UNC80: variants seen among roughly 807,000 people sequenced by gnomAD.
UNC80 encodes the protein protein unc-80 homolog.
A neutral mutation model predicts 384.6 loss-of-function variants in UNC80; 164 were observed. The observed-to-expected ratio is 0.43, with a 90% confidence interval of 0.38 to 0.49. The LOEUF (loss-of-function observed/expected upper bound fraction) is 0.49. Ranked by LOEUF, UNC80 falls within the 20% of genes least tolerant of loss-of-function variation. The pLI is 0.00. For synonymous variants in UNC80, 1,486 were observed against 1,527.8 expected (o/e 0.97, Z 0.64); for missense variants, 3,330 against 4,143.0 (o/e 0.80, Z 5.39).
intron 22 of UNC80, among the ~76,000 whole-genome samples, chr2:209,865,332 A>G (rs1337984877): frequency 6.6e-6 from 1 of 152,024 alleles, no homozygotes; most frequent in Non-Finnish European, 1.5e-5. Context: ...GCCGGTCGCG[A>G]TGGCTCATGC....
At chr2:209,918,756 T>A in intron 33 of UNC80, 93 bp downstream of exon 33, 1 of 1,332,842 alleles carries the variant, frequency 7.5e-7, no homozygotes, top group Non-Finnish European at 9.9e-7. Context: ...CATAAGAATG[T>A]AATAATAACA....
intron 7 of UNC80, among the ~76,000 whole-genome samples, chr2:209,800,474 CTATT>C (rs1471182887): frequency 1.8e-5 from 2 of 112,646 alleles, no homozygotes; most frequent in Non-Finnish European, 3.5e-5. Flanking sequence ...AGCTAGTGGT[CTATT>C]TGTTTTGTTA....
At chr2:209,818,920 T>G in intron 11 of UNC80, 73 bp from the exon 12 acceptor site, 2 of 1,451,466 alleles carry the variant, frequency 1.4e-6, no homozygotes, top group South Asian at 2.8e-5. Context: ...ATGATTGAAG[T>G]AATAGTATAA....
At chr2:209,901,581 T>G (rs2087407963) in intron 28 of UNC80, among the ~76,000 whole-genome samples, 1 of 152,214 alleles carries the variant, frequency 6.6e-6, no homozygotes, top group South Asian at 2.1e-4. Context: ...GCATCCATTC[T>G]GGAGCCCACA....
intron 4 of UNC80, among the ~76,000 whole-genome samples, chr2:209,785,083 A>T (rs560314157): frequency 6.6e-6 from 1 of 152,204 alleles, no homozygotes; most frequent in East Asian, 1.9e-4. Flanking sequence ...ATCTCTCAGG[A>T]TTCTAATTTA....
At chr2:209,848,358 G>T (rs1444268227) in intron 21 of UNC80, among the ~76,000 whole-genome samples, 1 of 151,892 alleles carries the variant, frequency 6.6e-6, no homozygotes, top group Non-Finnish European at 1.5e-5. Context: ...TTTGAATATG[G>T]AATATTTGCA....
At chr2:209,903,526 A>C (rs2087732575) in intron 28 of UNC80, among the ~76,000 whole-genome samples, 1 of 240 alleles carries the variant, frequency 4.2e-3, no homozygotes, top group African/African-American at 8.8e-3. Context: ...TATATATACT[A>C]TATATATTAT....
At chr2:209,810,170 A>T (rs879050193) in intron 7 of UNC80, among the ~76,000 whole-genome samples, 2 of 152,044 alleles carry the variant, frequency 1.3e-5, no homozygotes, top group Non-Finnish European at 2.9e-5. Context: ...CCTGTTTCCC[A>T]GGCAATTTAA....
chr2:209,990,400 T>C (rs2093370483), intron 61 of UNC80, among the ~76,000 whole-genome samples: 1 of 152,206 alleles, frequency 6.6e-6, no homozygotes, highest in Non-Finnish European at 1.5e-5. Flanking sequence ...TCACTTTTCA[T>C]GTTCAAACCA....
In UNC80 at chr2:209,951,228, CTT is replaced by C. The variant is rs1349864452; in HGVS notation, c.7287-2871_7287-2870del. Among the ~76,000 whole-genome samples the C allele has an allele frequency of 3.9e-5, 6 of 152,132 alleles. No individual in the cohort carries two copies. The East Asian group carries it at 7.7e-4, about 20-fold the overall frequency. On this transcript the variant is annotated intron_variant, in intron 47 of 64. Transcript: ENST00000673920. ...AAGAAAATATTCCATTTTCTACTGACTTATCATATCTGTTGAAAAATCAGCAT... is the reference window on the plus strand; with the variant it reads ...AAGAAAATATTCCATTTTCTACTGACATCATATCTGTTGAAAAATCAGCAT...
Position 209,954,209 on chromosome 2 carries a change from G to C in UNC80, c.7396G>C (p.Ala2466Pro). Residue 2466 changes from alanine (A) to proline (P), a missense_variant, in exon 48 of 65, where the codon GCC becomes CCC. Around this residue, in one of 8 missense-constraint regions of UNC80, gnomAD observed 1,049 missense variants for 1,488.6 expected, o/e 0.70. Coordinates refer to ENST00000673920, the MANE Select transcript of UNC80 (RefSeq NM_001371986.1). ...TVPAAREEIA[A>P]TAALATSLQA... is the part of the protein sequence containing the mutation. ...ACCTGCTGCCCGAGAGGAGATTGCG[G>C]CCACTGCTGCTCTTGCGACGTCCCT... is the stretch of plus-strand genomic sequence containing the variant. 1 of 1,551,032 alleles carries C rather than the reference G, an allele frequency of 6.4e-7. No homozygotes were observed. Among genetic ancestry groups the C allele is most frequent in the Non-Finnish European group, 8.7e-7 (1 of 1,146,912 alleles).
intron 13 of UNC80, 131 bp from the exon 14 acceptor site, chr2:209,825,776 C>T: frequency 2.5e-6 from 2 of 797,768 alleles, no homozygotes. Context: ...CGTTACAATT[C>T]TGTTTTCCAA....
At chr2:209,815,962 G>GTA (rs1276060752) in intron 9 of UNC80, among the ~76,000 whole-genome samples, 3 of 152,082 alleles carry the variant, frequency 2.0e-5, no homozygotes, top group African/African-American at 7.2e-5. Context: ...CTGTGTATAT[G>GTA]TATATATATA....
At chr2:209,982,605 C>A in intron 60 of UNC80, 1 of 249,496 alleles carries the variant, frequency 4.0e-6, no homozygotes, top group Non-Finnish European at 7.7e-6. Flanking sequence ...TCTTGTATTT[C>A]AGATTTATCA....
intron 26 of UNC80, among the ~76,000 whole-genome samples, 195 bp from the exon 27 acceptor site, chr2:209,893,968 T>C (rs763922407): frequency 1.3e-5 from 2 of 152,146 alleles, no homozygotes; most frequent in Non-Finnish European, 2.9e-5. Context: ...ATGAGCTTTG[T>C]GTCCAAGAAA....
At position 209,904,829 on chromosome 2, in the gene UNC80, ACTG is replaced by A. The variant is rs908109002; in HGVS notation, c.4649_4651del (p.Cys1550del). 6 of 1,551,810 alleles carry A rather than the reference ACTG, an allele frequency of 3.9e-6. No individual in the cohort carries two copies. The Admixed American group carries it at 9.8e-5, about 25-fold the overall frequency. On this transcript the variant is annotated inframe_deletion, in exon 29 of 65. Coordinates refer to ENST00000673920, the MANE Select transcript of UNC80 (RefSeq NM_001371986.1). ...ACTCACGTTGACTACTGCCATCCCC[ACTG>A]CTACCTGCACCACAGCCGCTCCTGT...
At chr2:209,889,370 A>G (rs1019462550) in intron 26 of UNC80, among the ~76,000 whole-genome samples, 1 of 152,246 alleles carries the variant, frequency 6.6e-6, no homozygotes, top group African/African-American at 2.4e-5. Flanking sequence ...AAAATAGTTC[A>G]GTATTTTCCA....
intron 26 of UNC80, among the ~76,000 whole-genome samples, chr2:209,888,964 A>G (rs1273165525): frequency 6.6e-6 from 1 of 152,120 alleles, no homozygotes; most frequent in Non-Finnish European, 1.5e-5. Flanking sequence ...CGTTTTAAAA[A>G]CTACACCTCT....
intron 6 of UNC80, among the ~76,000 whole-genome samples, chr2:209,790,526 C>G (rs1290746333): frequency 6.6e-6 from 1 of 152,144 alleles, no homozygotes; most frequent in Non-Finnish European, 1.5e-5. Context: ...CTTATGATCT[C>G]CCTACTGGTA....
Sources: gnomAD v4.1 joint callset for allele counts (sites outside exome capture counted in the v4.1 genomes callset) on GRCh38, gnomAD v4.1.1 for gene constraint, gnomAD v4.1.1 regional missense constraint, MANE v1.5 for transcripts, NCBI Gene and HGNC (gene_info 2026-07-23, HGNC 2026-07-21) for gene names.